The following ZNF892 variants were observed in gnomAD, a reference collection of about 807,000 sequenced individuals.
ZNF892 encodes the protein zinc finger protein 892, also known as zinc finger protein 570-like.
chr2:95,214,462 T>C, the ZNF892 span: 2 of 398,470 alleles, frequency 5.0e-6, no homozygotes, highest in South Asian at 1.3e-4. Flanking sequence ...GAGGATTCTT[T>C]AGAGAGTCAG....
At chr2:95,250,204 T>C in the ZNF892 span, among the ~76,000 whole-genome samples, 1 of 152,108 alleles carries the variant, frequency 6.6e-6, no homozygotes, top group Non-Finnish European at 1.5e-5. Flanking sequence ...TCTATTTTTA[T>C]TGTGTATTTT....
the ZNF892 span, among the ~76,000 whole-genome samples, chr2:95,211,180 T>C: frequency 6.6e-6 from 1 of 152,340 alleles, no homozygotes. Context: ...GGGACTGATT[T>C]CATTCTTAGG....
At chr2:95,209,129 A>G in the ZNF892 span, among the ~76,000 whole-genome samples, 80 of 152,340 alleles carry the variant, frequency 5.3e-4, no homozygotes, top group African/African-American at 1.8e-3. Context: ...AAGTCTCTGA[A>G]AGAGTTTTTT....
At chr2:95,251,366 T>C in the ZNF892 span, among the ~76,000 whole-genome samples, 5 of 152,220 alleles carry the variant, frequency 3.3e-5, no homozygotes, top group African/African-American at 4.8e-5. Context: ...GAGAACTTTC[T>C]AAAACAATCC....
At chr2:95,254,386 T>C in the ZNF892 span, among the ~76,000 whole-genome samples, 1 of 152,358 alleles carries the variant, frequency 6.6e-6, no homozygotes, top group African/African-American at 2.4e-5. Context: ...ATTACGTTTA[T>C]TGATTTGCAT....
At chr2:95,210,541 C>T in the ZNF892 span, among the ~76,000 whole-genome samples, 6 of 152,270 alleles carry the variant, frequency 3.9e-5, no homozygotes, top group East Asian at 1.2e-3. Context: ...AGGCTAAATA[C>T]TCCTGCAGTG....
At chr2:95,243,475 A>G in the ZNF892 span, among the ~76,000 whole-genome samples, 2 of 147,142 alleles carry the variant, frequency 1.4e-5, no homozygotes, top group South Asian at 2.2e-4. Context: ...CCATCGTCTG[A>G]GATGTGGGGA....
chr2:95,239,795 T>A, the ZNF892 span, among the ~76,000 whole-genome samples: 3 of 152,104 alleles, frequency 2.0e-5, no homozygotes, highest in African/African-American at 7.2e-5. Context: ...ACCCAGCTAC[T>A]TTTTTTGTAT....
chr2:95,221,612 A>G, the ZNF892 span, among the ~76,000 whole-genome samples: 2 of 152,128 alleles, frequency 1.3e-5, no homozygotes, highest in Non-Finnish European at 2.9e-5. Context: ...CTAAAAATGT[A>G]TCCTTTTTGG....
the ZNF892 span, among the ~76,000 whole-genome samples, chr2:95,212,487 A>G: frequency 6.6e-6 from 1 of 152,190 alleles, no homozygotes; most frequent in African/African-American, 2.4e-5. Flanking sequence ...TACTCTTTCA[A>G]ACCAATTCTT....
chr2:95,236,627 G>A, the ZNF892 span, among the ~76,000 whole-genome samples: 2 of 152,160 alleles, frequency 1.3e-5, no homozygotes, highest in Non-Finnish European at 2.9e-5. Context: ...CATAGTACTT[G>A]TCAGAGTCTT....
chr2:95,255,864 G>T, the ZNF892 span, among the ~76,000 whole-genome samples: 103 of 152,206 alleles, frequency 6.8e-4, no homozygotes, highest in African/African-American at 2.4e-3. Context: ...GATCTTTGTT[G>T]GTTTAAAGTC....
chr2:95,255,157 T>C, the ZNF892 span, among the ~76,000 whole-genome samples: 1 of 152,222 alleles, frequency 6.6e-6, no homozygotes, highest in Non-Finnish European at 1.5e-5. Context: ...TCTAGTTCTT[T>C]TAATTATGAT....
the ZNF892 span, among the ~76,000 whole-genome samples, chr2:95,251,344 T>C: frequency 1.3e-5 from 2 of 152,350 alleles, no homozygotes; most frequent in East Asian, 3.9e-4. Flanking sequence ...CAATAAGACA[T>C]TTGTTGAGGA....
At chr2:95,210,123 GTA>G in the ZNF892 span, among the ~76,000 whole-genome samples, 91 of 148,974 alleles carry the variant, frequency 6.1e-4, no homozygotes, top group African/African-American at 2.2e-3. Flanking sequence ...ATATATGTGT[GTA>G]TATATGTGTA....
chr2:95,221,300 T>C, the ZNF892 span, among the ~76,000 whole-genome samples: 1 of 152,194 alleles, frequency 6.6e-6, no homozygotes, highest in Non-Finnish European at 1.5e-5. Context: ...GAATGAGGCT[T>C]TTTATCTTTT....
the ZNF892 span, among the ~76,000 whole-genome samples, chr2:95,262,298 C>G: frequency 3.3e-5 from 5 of 152,180 alleles, no homozygotes; most frequent in African/African-American, 1.2e-4. Flanking sequence ...CAGATAACCT[C>G]GAGACACAGA....
the ZNF892 span, among the ~76,000 whole-genome samples, chr2:95,225,461 G>A: frequency 6.6e-6 from 1 of 152,194 alleles, no homozygotes; most frequent in Non-Finnish European, 1.5e-5. Context: ...GACAGCAAGA[G>A]GAGACTGAAC....
chr2:95,254,757 G>A, the ZNF892 span, among the ~76,000 whole-genome samples: 1 of 152,184 alleles, frequency 6.6e-6, no homozygotes, highest in Non-Finnish European at 1.5e-5. Flanking sequence ...CTCAATTTCA[G>A]AGCCTGTTGT....
Sources: gnomAD v4.1 joint callset for allele counts (sites outside exome capture counted in the v4.1 genomes callset) on GRCh38, gnomAD v4.1.1 for gene constraint, MANE v1.5 for transcripts, NCBI Gene and HGNC (gene_info 2026-07-23, HGNC 2026-07-21) for gene names.